The following ZFC3H1 variants were observed in gnomAD, a reference collection of about 807,000 sequenced individuals.
ZFC3H1 encodes the protein zinc finger C3H1 domain-containing protein.
In ZFC3H1, 71 loss-of-function variants were observed where a neutral mutation model predicts 243.7. The observed-to-expected ratio is 0.29, with a 90% CI of 0.24 to 0.36. The LOEUF is 0.36. Ranked by LOEUF, ZFC3H1 falls within the 10% of genes least tolerant of loss-of-function variation. The pLI, the probability that ZFC3H1 is intolerant of heterozygous loss-of-function variation, is 1.00. For missense variants in ZFC3H1, 1,966 were observed against 2,317.1 expected, an observed-to-expected ratio of 0.85 and a Z score of 3.11; for synonymous variants, 838 against 813.0, an observed-to-expected ratio of 1.03 and a Z score of -0.52.
chr12:71,611,965 C>T lies in ZFC3H1; in HGVS notation c.5628-78G>A, dbSNP rs983617525. ...CAAATGTGCTCTATGAGCACAATGA[C>T]GAAGTATAAATTTTGATTAGTTAAA... On this transcript the variant is annotated intron_variant, in intron 31 of 34. Coordinates refer to ENST00000378743, the MANE Select transcript of ZFC3H1 (RefSeq NM_144982.5). 4.1e-5 allele frequency: 32 copies of T among 782,716 alleles called. No homozygotes were observed. In the East Asian group the frequency reaches 4.1e-4, roughly 10 times the overall value. The allele number at this position is 782,716 out of a possible 1,614,324, so 48.5% of individuals were successfully genotyped here.
chr12:71,646,021 C>A (rs1378722625), intron 3 of ZFC3H1, among the ~76,000 whole-genome samples: 1 of 152,108 alleles, frequency 6.6e-6, no homozygotes, highest in African/African-American at 2.4e-5. Flanking sequence ...AAGATTAAGG[C>A]CCACTTATCT....
At chr12:71,648,015 T>C (rs1880770969) in intron 2 of ZFC3H1, among the ~76,000 whole-genome samples, 1 of 152,142 alleles carries the variant, frequency 6.6e-6, no homozygotes, top group South Asian at 2.1e-4. Context: ...CTCAAAGTTA[T>C]AAGGCAAAAT....
chr12:71,634,829 A>T lies in ZFC3H1; in HGVS notation c.2239-4T>A. 1.3e-6 allele frequency: 1 copy of T among 767,378 alleles called. No individual in the cohort carries two copies. The highest frequency in any genetic ancestry group is 1.9e-5 in the South Asian group (1 of 52,384). 47.5% of individuals were successfully genotyped at this position (767,378 alleles called of 1,614,324 possible). Reference sequence around the variant, plus strand: ...GTACTTTCGGTTTTGAAGCTTGCTAAAAAAAAAAAAACATTTGAAGTCAAC... The same window carrying T: ...GTACTTTCGGTTTTGAAGCTTGCTATAAAAAAAAAAACATTTGAAGTCAAC... On this transcript the variant is annotated splice_region_variant and splice_polypyrimidine_tract_variant and intron_variant, in intron 10 of 34. Transcript: ENST00000378743.
At chr12:71,621,321 T>G (rs906237972) in intron 24 of ZFC3H1, among the ~76,000 whole-genome samples, 2 of 142,558 alleles carry the variant, frequency 1.4e-5, no homozygotes, top group Admixed American at 7.2e-5. Flanking sequence ...TTTTTTTTTT[T>G]GAAATGGAGT....
chr12:71,642,302 A>G (rs1310440849), intron 6 of ZFC3H1, 134 bp downstream of exon 6: 17 of 951,694 alleles, frequency 1.8e-5, no homozygotes, highest in Admixed American at 3.3e-5. Flanking sequence ...AACAACAAAT[A>G]ATGTCTATCG....
chr12:71,643,357 G>C (rs891900966), intron 5 of ZFC3H1, among the ~76,000 whole-genome samples: 1 of 150,974 alleles, frequency 6.6e-6, no homozygotes, highest in Non-Finnish European at 1.5e-5. Flanking sequence ...AGGTTGCAGT[G>C]AGCCGAAACA....
rs56384440 is a variant in ZFC3H1 at position 71,626,323 on chromosome 12, G to C, written c.4254C>G (p.Asp1418Glu). 5.9e-5 allele frequency: 96 copies of C among 1,613,656 alleles called. No homozygotes were observed. The highest frequency in any genetic ancestry group is 8.1e-5 in the Non-Finnish European group (95 of 1,179,952). ...CTGTTTCACACATTTCCTGCACCTC[G>C]TCCTTGGTTCCTCTTTTTGAGAACA... ...LRLFSKRGTK[D>E]EVQEMCETAV... is the part of the protein sequence containing the mutation. The change falls in exon 22 of 35, where the codon GAC becomes GAG. Residue 1418 changes from aspartate (D) to glutamate (E), a missense_variant. This residue lies in a region of ZFC3H1 where 1,383 missense variants were observed against 1,723.7 expected (regional missense o/e 0.80). Coordinates refer to ENST00000378743, the MANE Select transcript of ZFC3H1 (RefSeq NM_144982.5).
Position 71,635,086 on chromosome 12 carries a change from C to T in ZFC3H1, c.2239-261G>A, listed in dbSNP as rs559803053. On this transcript the variant is annotated intron_variant, in intron 10 of 34. Transcript: ENST00000378743. ...AACAACTACTGAAATAGGGAAAAAA[C>T]GATAAAAGTTGTACTTAGAGAATAC... Among the ~76,000 whole-genome samples, 8 of 152,070 alleles carry T rather than the reference C, an allele frequency of 5.3e-5. No homozygotes were observed. The South Asian group carries it at 1.7e-3, about 32-fold the overall frequency.
rs1008934072 is a variant in ZFC3H1 at position 71,615,413 on chromosome 12, T to C, written c.5145-97A>G. 4 of 790,432 alleles carry C rather than the reference T, an allele frequency of 5.1e-6. No individual in the cohort carries two copies. In the East Asian group the frequency reaches 7.9e-5, roughly 16 times the overall value. 49.0% of individuals were successfully genotyped at this position (790,432 alleles called of 1,614,324 possible). A position where few individuals can be genotyped will look rare whatever the true frequency, so the allele number is the denominator to read the frequency against. Reference sequence around the variant, plus strand: ...AATCGTTAGTTTCACTTAAATTTCATTGAAATATTTTTTTAGAAAGCAATG... The same window carrying C: ...AATCGTTAGTTTCACTTAAATTTCACTGAAATATTTTTTTAGAAAGCAATG... On this transcript the variant is annotated intron_variant, in intron 27 of 34. Transcript: ENST00000378743.
chr12:71,638,198 G>A (rs1486322174), intron 7 of ZFC3H1, among the ~76,000 whole-genome samples: 4 of 151,966 alleles, frequency 2.6e-5, no homozygotes, highest in Non-Finnish European at 4.4e-5. Flanking sequence ...GATAGGTACC[G>A]AAAAGTCAAC....
intron 31 of ZFC3H1, among the ~76,000 whole-genome samples, chr12:71,612,608 C>T (rs994392411): frequency 6.6e-6 from 1 of 152,072 alleles, no homozygotes; most frequent in Non-Finnish European, 1.5e-5. Context: ...CACATACATG[C>T]TAAATGAAAT....
chr12:71,638,373 AAAGAC>A, intron 7 of ZFC3H1, 40 bp downstream of exon 7: 2 of 1,565,666 alleles, frequency 1.3e-6, no homozygotes, highest in Non-Finnish European at 1.7e-6. Flanking sequence ...ACAAATTAGA[AAAGAC>A]AAGACAAAAT....
intron 31 of ZFC3H1, among the ~76,000 whole-genome samples, chr12:71,612,856 AT>A (rs1265507288): frequency 2.6e-5 from 4 of 152,216 alleles, no homozygotes; most frequent in Non-Finnish European, 5.9e-5. Flanking sequence ...CTGATCGAAT[AT>A]ATGAAATCCC....
chr12:71,612,402 T>C (rs1231088370), intron 31 of ZFC3H1, among the ~76,000 whole-genome samples: 1 of 152,118 alleles, frequency 6.6e-6, no homozygotes, highest in Non-Finnish European at 1.5e-5. Flanking sequence ...AAACTACCTA[T>C]ATTCTAAAAT....
chr12:71,633,231 A>C, intron 13 of ZFC3H1, 33 bp downstream of exon 13: 5 of 1,538,150 alleles, frequency 3.3e-6, no homozygotes, highest in Non-Finnish European at 4.4e-6. Flanking sequence ...AATGTGTAGT[A>C]AACAGGAGAC....
In ZFC3H1 at chr12:71,647,725, T is replaced by C. The variant is rs775099106; in HGVS notation, c.1080+24A>G. 113 of 1,359,796 alleles carry C rather than the reference T, an allele frequency of 8.3e-5. 1 individual carries two copies. In the South Asian group the frequency reaches 1.3e-3, roughly 16 times the overall value. 84.2% of individuals were successfully genotyped at this position (1,359,796 alleles called of 1,614,324 possible). A position where few individuals can be genotyped will look rare whatever the true frequency, so the allele number is the denominator to read the frequency against. On this transcript the variant is annotated intron_variant, in intron 3 of 34. Coordinates refer to ENST00000378743, the MANE Select transcript of ZFC3H1 (RefSeq NM_144982.5). ...GCAAAAATGGGTCTTACAGAGATGA[T>C]AGTCTCACAAAGCAGTATCTTACCT...
chr12:71,629,961 A>G (rs1880280208), intron 18 of ZFC3H1, among the ~76,000 whole-genome samples: 1 of 152,172 alleles, frequency 6.6e-6, no homozygotes, highest in South Asian at 2.1e-4. Flanking sequence ...TAATTAAGTT[A>G]AAGTCCCAAA....
intron 2 of ZFC3H1, among the ~76,000 whole-genome samples, chr12:71,649,106 A>AAAAAAAG (rs1555181237): frequency 1.3e-4 from 20 of 151,430 alleles, no homozygotes; most frequent in African/African-American, 4.6e-4. Context: ...AAAAAAAAAA[A>AAAAAAAG]AAAAGAAAAG....
At chr12:71,658,878 T>C (rs1171453093) in intron 1 of ZFC3H1, among the ~76,000 whole-genome samples, 2 of 152,204 alleles carry the variant, frequency 1.3e-5, no homozygotes, top group African/African-American at 4.8e-5. Context: ...TCTTACCAAA[T>C]GGAATCTGGT....
Sources: allele counts gnomAD v4.1 joint callset (sites outside exome capture counted in the v4.1 genomes callset), GRCh38; gene constraint gnomAD v4.1.1; regional missense constraint gnomAD v4.1.1; transcripts MANE v1.5; gene names NCBI Gene and HGNC (gene_info 2026-07-23, HGNC 2026-07-21).